TMCO4: variants seen among roughly 807,000 people sequenced by gnomAD.
TMCO4 encodes transmembrane and coiled-coil domains 4.
A neutral mutation model predicts 64.7 loss-of-function variants in TMCO4; 58 were observed. The observed-to-expected ratio is 0.90, with a 90% CI of 0.73 to 1.12. TMCO4 has a LOEUF of 1.12. Ranked by LOEUF, TMCO4 falls within the 50% of genes most tolerant of loss-of-function variation. The pLI is 0.00. For missense variants in TMCO4, 780 were observed against 825.9 expected, an observed-to-expected ratio of 0.94 and a Z score of 0.68; for synonymous variants, 325 against 346.1, an observed-to-expected ratio of 0.94 and a Z score of 0.68.
At chr1:19,735,295 T>C (rs1329383841) in intron 13 of TMCO4, among the ~76,000 whole-genome samples, 2 of 152,200 alleles carry the variant, frequency 1.3e-5, no homozygotes, top group Non-Finnish European at 2.9e-5. Context: ...GAGATAAGTG[T>C]ACAAAGCTCA....
chr1:19,716,770 G>C (rs2095358737), intron 13 of TMCO4, among the ~76,000 whole-genome samples: 1 of 152,084 alleles, frequency 6.6e-6, no homozygotes, highest in South Asian at 2.1e-4. Flanking sequence ...ACTTGCAAAG[G>C]GCCCGACCTG....
At chr1:19,705,027 C>T (rs963882491) in intron 13 of TMCO4, among the ~76,000 whole-genome samples, 4 of 152,250 alleles carry the variant, frequency 2.6e-5, no homozygotes, top group South Asian at 4.2e-4. Flanking sequence ...AGATAAGCTA[C>T]GTGGCAGGCT....
At chr1:19,691,115 G>A (rs190649919) in intron 15 of TMCO4, among the ~76,000 whole-genome samples, 9 of 152,182 alleles carry the variant, frequency 5.9e-5, no homozygotes, top group South Asian at 2.1e-4. Flanking sequence ...TGATCTGCCC[G>A]CCTTGGCCTC....
At chr1:19,795,333 G>A (rs1264858049) in intron 2 of TMCO4, among the ~76,000 whole-genome samples, 3 of 151,948 alleles carry the variant, frequency 2.0e-5, no homozygotes, top group Non-Finnish European at 4.4e-5. Flanking sequence ...TTAGCTGGGC[G>A]TGGTGGCGAG....
At chr1:19,793,143 C>T (rs1182430160) in intron 2 of TMCO4, among the ~76,000 whole-genome samples, 1 of 152,078 alleles carries the variant, frequency 6.6e-6, no homozygotes, top group Non-Finnish European at 1.5e-5. Context: ...TCCCATGCTG[C>T]TCCAGCCATA....
At chr1:19,756,728 G>C (rs916500626) in intron 6 of TMCO4, among the ~76,000 whole-genome samples, 1 of 152,014 alleles carries the variant, frequency 6.6e-6, no homozygotes, top group Non-Finnish European at 1.5e-5. Flanking sequence ...GTGGTGGTGC[G>C]TGCCTATAAT....
intron 5 of TMCO4, 47 bp from the exon 6 acceptor site, chr1:19,770,616 A>G (rs777892967): frequency 6.3e-7 from 1 of 1,583,270 alleles, no homozygotes; most frequent in East Asian, 2.2e-5. Context: ...GATATACGAT[A>G]CAGCGCGCTC....
At position 19,683,281 on chromosome 1, in the gene TMCO4, G is replaced by T; in HGVS notation, c.1664C>A (p.Thr555Asn). The change falls in exon 16 of 16, where the codon ACC (threonine) becomes AAC (asparagine). Residue 555 changes from threonine (T) to asparagine (N), a missense_variant. Thr to Asn is a moderately conservative substitution (Grantham distance 65). Transcript: ENST00000294543. ...CTGGGTTTGCCCAACCTGGTGGGGG[G>T]TCTCGCCTGATGAGGCGGCAGCTGC... is the stretch of plus-strand genomic sequence containing the variant. ...QAAAAASSGETPHQVGQTQGP... is the reference protein window; with the variant it reads ...QAAAAASSGENPHQVGQTQGP... 1 of 1,614,120 alleles carries T rather than the reference G, an allele frequency of 6.2e-7. No individual in the cohort carries two copies.
chr1:19,724,818 G>A (rs1003970834), intron 13 of TMCO4, among the ~76,000 whole-genome samples: 1 of 152,074 alleles, frequency 6.6e-6, no homozygotes, highest in Non-Finnish European at 1.5e-5. Flanking sequence ...CTGGAGTGCA[G>A]TGGCACAATC....
intron 12 of TMCO4, among the ~76,000 whole-genome samples, chr1:19,739,468 C>T (rs1330634605): frequency 6.6e-6 from 1 of 152,188 alleles, no homozygotes; most frequent in Non-Finnish European, 1.5e-5. Context: ...GAGGTTTCCA[C>T]TGAAATATCA....
intron 13 of TMCO4, among the ~76,000 whole-genome samples, chr1:19,723,563 G>A (rs147769082): frequency 6.6e-6 from 1 of 152,302 alleles, no homozygotes; most frequent in East Asian, 1.9e-4. Flanking sequence ...GGACCCTGTG[G>A]GAAGAAGGAA....
chr1:19,773,397 G>A (rs1208781301), intron 4 of TMCO4, among the ~76,000 whole-genome samples: 4 of 152,138 alleles, frequency 2.6e-5, no homozygotes, highest in African/African-American at 9.7e-5. Flanking sequence ...CCTGCAGGGA[G>A]TTCTAAAGAT....
At chr1:19,714,860 T>C (rs1018388446) in intron 13 of TMCO4, among the ~76,000 whole-genome samples, 1 of 151,916 alleles carries the variant, frequency 6.6e-6, no homozygotes, top group Non-Finnish European at 1.5e-5. Flanking sequence ...GAGGTGGAGG[T>C]TGCAGTAAGC....
At chr1:19,764,084 G>C (rs1308000208) in intron 6 of TMCO4, among the ~76,000 whole-genome samples, 2 of 152,236 alleles carry the variant, frequency 1.3e-5, no homozygotes, top group Non-Finnish European at 2.9e-5. Flanking sequence ...CTTGGATGTA[G>C]GATCAGTAAG....
intron 10 of TMCO4, among the ~76,000 whole-genome samples, chr1:19,744,058 C>T (rs1239765286): frequency 6.6e-6 from 1 of 152,202 alleles, no homozygotes; most frequent in Non-Finnish European, 1.5e-5. Flanking sequence ...CACTGGCTTT[C>T]TTCTGTGTGG....
rs79054909 is a variant in TMCO4, at chr1:19,684,042, G to A, written c.1501-598C>T. Among the ~76,000 whole-genome samples the A allele has an allele frequency of 5.1e-4, 74 of 145,888 alleles. 4 individuals are homozygous for A. In the East Asian group the frequency reaches 0.013, roughly 27 times the overall value. On this transcript the variant is annotated intron_variant, in intron 15 of 15. Transcript: ENST00000294543. ...CTCCCAAAGTGTTGGGATTACAGGC[G>A]TGAGCCACTGTGCCCGGCAGCTTTT...
At chr1:19,716,381 C>CTTTTTTTT (rs1262772167) in intron 13 of TMCO4, among the ~76,000 whole-genome samples, 43 of 124,458 alleles carry the variant, frequency 3.5e-4, no homozygotes, top group African/African-American at 4.9e-4. Flanking sequence ...TTTTTTCTTT[C>CTTTTTTTT]TTTTTTTTTT....
chr1:19,786,359 G>A (rs1035642689), intron 3 of TMCO4, among the ~76,000 whole-genome samples: 4 of 152,218 alleles, frequency 2.6e-5, no homozygotes, highest in Non-Finnish European at 4.4e-5. Context: ...ATCCCAAGAT[G>A]GGGACCCTGA....
intron 6 of TMCO4, among the ~76,000 whole-genome samples, chr1:19,764,421 A>C (rs1374361073): frequency 6.6e-6 from 1 of 152,258 alleles, no homozygotes; most frequent in Non-Finnish European, 1.5e-5. Context: ...AGAGCCAGGC[A>C]TACAGTAGGC....
Sources: gnomAD v4.1 joint callset for allele counts (sites outside exome capture counted in the v4.1 genomes callset) on GRCh38, gnomAD v4.1.1 for gene constraint, MANE v1.5 for transcripts, NCBI Gene and HGNC (gene_info 2026-07-23, HGNC 2026-07-21) for gene names.